Variants in MAP2 observed in about 807,000 individuals in gnomAD.
MAP2 encodes the protein microtubule-associated protein 2.
In MAP2, 14 loss-of-function variants were observed where a neutral mutation model predicts 137.6. The ratio of observed to expected loss-of-function variants is 0.10; its 90% CI spans 0.07 to 0.16. The LOEUF (loss-of-function observed/expected upper bound fraction) is 0.16, where lower values mean the gene tolerates loss of function less well. MAP2 is among the 10% of genes least tolerant of loss of function. The pLI, the probability that MAP2 is intolerant of heterozygous loss-of-function variation, is 1.00. For synonymous variants in MAP2, 786 were observed against 782.3 expected, an observed-to-expected ratio of 1.00 and a Z score of -0.08; for missense variants, 2,088 against 2,191.5, an observed-to-expected ratio of 0.95 and a Z score of 0.94.
chr2:209,509,108 A>G (rs2061429613), intron 2 of MAP2, among the ~76,000 whole-genome samples: 2 of 152,022 alleles, frequency 1.3e-5, no homozygotes, highest in South Asian at 4.1e-4. Flanking sequence ...CTTTAATAAG[A>G]AATAAACTCT....
intron 3 of MAP2, among the ~76,000 whole-genome samples, chr2:209,598,772 T>G (rs1448087546): frequency 1.0e-3 from 153 of 151,062 alleles, no homozygotes; most frequent in Non-Finnish European, 1.4e-3. Flanking sequence ...ACAAAGGACA[T>G]GAACTCATCA....
At chr2:209,535,477 A>G (rs1286941444) in intron 2 of MAP2, among the ~76,000 whole-genome samples, 3 of 151,980 alleles carry the variant, frequency 2.0e-5, no homozygotes, top group Non-Finnish European at 4.4e-5. Context: ...TCTCCTTAGC[A>G]TCTTTTCGTC....
At chr2:209,700,192 A>G in intron 10 of MAP2, 85 bp from the exon 11 acceptor site, 2 of 1,099,816 alleles carry the variant, frequency 1.8e-6, no homozygotes, top group Non-Finnish European at 2.8e-6. Context: ...TGTTGACACA[A>G]CAGAATATCC....
chr2:209,709,566 A>G (rs2064708257), intron 12 of MAP2, among the ~76,000 whole-genome samples: 1 of 152,168 alleles, frequency 6.6e-6, no homozygotes, highest in African/African-American at 2.4e-5. Flanking sequence ...TACGACACTA[A>G]GTGTAAACTC....
chr2:209,470,603 T>C (rs1242763957), intron 1 of MAP2, among the ~76,000 whole-genome samples: 1 of 152,072 alleles, frequency 6.6e-6, no homozygotes, highest in Non-Finnish European at 1.5e-5. Context: ...AGATGTCTTG[T>C]CTTTGTCACC....
chr2:209,494,992 T>G (rs1383049725), intron 1 of MAP2, among the ~76,000 whole-genome samples: 1 of 152,264 alleles, frequency 6.6e-6, no homozygotes, highest in Non-Finnish European at 1.5e-5. Flanking sequence ...TGGCCATATA[T>G]GTGTATATAT....
intron 13 of MAP2, among the ~76,000 whole-genome samples, chr2:209,720,399 G>A (rs937016894): frequency 6.6e-6 from 1 of 152,126 alleles, no homozygotes; most frequent in Admixed American, 6.5e-5. Context: ...AGCGCTTTGG[G>A]AGGCCGAGGC....
chr2:209,513,347 C>G (rs924389433), intron 2 of MAP2, among the ~76,000 whole-genome samples: 2 of 152,092 alleles, frequency 1.3e-5, no homozygotes, highest in Non-Finnish European at 2.9e-5. Context: ...TCCATTCTCC[C>G]CTAGCAGCCC....
intron 1 of MAP2, among the ~76,000 whole-genome samples, chr2:209,489,833 T>C (rs2058850514): frequency 6.6e-6 from 1 of 152,180 alleles, no homozygotes; most frequent in Non-Finnish European, 1.5e-5. Context: ...TATCTGAAAG[T>C]GATGGGGAGA....
chr2:209,526,190 T>A lies in MAP2; in HGVS notation c.-172+18549T>A, dbSNP rs1366473990. On this transcript the variant is annotated intron_variant, in intron 2 of 15. Transcript: ENST00000682079. ...TAGCAGTGGATTAGCAATGCCTACT[T>A]TTTTCATAAGTCCTATTCTTTTGAG... Among the ~76,000 whole-genome samples, 8 of 152,252 alleles carry A rather than the reference T, an allele frequency of 5.3e-5. No individual in the cohort carries two copies. The East Asian group carries it at 1.5e-3, about 29-fold the overall frequency.
chr2:209,435,982 A>T (rs137975774), intron 1 of MAP2, among the ~76,000 whole-genome samples: 5,460 of 95,210 alleles, frequency 0.057, 491 homozygotes, highest in African/African-American at 0.28. Context: ...TAATATATAC[A>T]GTATATATTA....
At chr2:209,669,565 G>T (rs961719560) in intron 5 of MAP2, among the ~76,000 whole-genome samples, 1 of 152,022 alleles carries the variant, frequency 6.6e-6, no homozygotes, top group African/African-American at 2.4e-5. Flanking sequence ...TTATTCCAAT[G>T]ACATCCTTTT....
At chr2:209,454,753 A>T (rs1487541226) in intron 1 of MAP2, among the ~76,000 whole-genome samples, 1 of 152,212 alleles carries the variant, frequency 6.6e-6, no homozygotes, top group Non-Finnish European at 1.5e-5. Context: ...ATAATAACAA[A>T]TATTTGTGTA....
chr2:209,469,640 C>A (rs181751546), intron 1 of MAP2, among the ~76,000 whole-genome samples: 2 of 152,224 alleles, frequency 1.3e-5, no homozygotes, highest in Non-Finnish European at 2.9e-5. Flanking sequence ...CCTTCACAAC[C>A]AGTCAACCTC....
chr2:209,649,690 C>T lies in MAP2; in HGVS notation c.-29-3452C>T, dbSNP rs777261878. On this transcript the variant is annotated intron_variant, in intron 4 of 15. Transcript: ENST00000682079. ...AATCTCCTAAAATGATCATTACTTACTAAATGGTTAGACTATCTTCTTTCA... is the reference window on the plus strand; with the variant it reads ...AATCTCCTAAAATGATCATTACTTATTAAATGGTTAGACTATCTTCTTTCA... Among the ~76,000 whole-genome samples the T allele has an allele frequency of 3.9e-5, 6 of 152,118 alleles. 1 individual carries two copies. Among genetic ancestry groups the T allele is most frequent in the African/African-American group, 7.2e-5 (3 of 41,440 alleles).
At chr2:209,678,550 A>T in intron 5 of MAP2, 22 bp from the exon 6 acceptor site, 1 of 1,253,406 alleles carries the variant, frequency 8.0e-7, no homozygotes, top group Non-Finnish European at 1.1e-6. Flanking sequence ...GTTATATTTT[A>T]TTTTGTTACT....
intron 1 of MAP2, among the ~76,000 whole-genome samples, chr2:209,492,391 G>T (rs1301788361): frequency 1.3e-5 from 2 of 152,138 alleles, no homozygotes; most frequent in Non-Finnish European, 2.9e-5. Context: ...AGAAAAGGAT[G>T]CCCTCTCTCA....
intron 1 of MAP2, among the ~76,000 whole-genome samples, chr2:209,489,799 C>T (rs34128824): frequency 0.07 from 10,578 of 152,032 alleles, 480 homozygotes; most frequent in African/African-American, 0.11. Context: ...CATGTGAAAA[C>T]GCCAAACCTA....
At chr2:209,706,229 T>A (rs2063360781) in intron 12 of MAP2, among the ~76,000 whole-genome samples, 6 of 152,136 alleles carry the variant, frequency 3.9e-5, no homozygotes, top group Admixed American at 3.9e-4. Context: ...CAAATTATCT[T>A]GATTGATGGC....
Sources: gnomAD v4.1 joint callset for allele counts (sites outside exome capture counted in the v4.1 genomes callset) on GRCh38, gnomAD v4.1.1 for gene constraint, MANE v1.5 for transcripts, NCBI Gene and HGNC (gene_info 2026-07-23, HGNC 2026-07-21) for gene names.